Variants in BACH2 observed in about 807,000 individuals in gnomAD.
BACH2 encodes the protein BACH transcriptional regulator 2, also known as transcription regulator protein BACH2.
In BACH2, 5 loss-of-function variants were observed where a neutral mutation model predicts 61.8. The ratio of observed to expected loss-of-function variants is 0.08; its 90% confidence interval spans 0.04 to 0.17. BACH2 has a LOEUF of 0.17. BACH2 is among the 10% of genes least tolerant of loss of function. The probability of loss-of-function intolerance (pLI) is 1.00; values close to 1 mark genes in which losing one functional copy is unlikely to be tolerated. For missense variants in BACH2, 824 were observed against 1,091.1 expected, an observed-to-expected ratio of 0.76 and a Z score of 3.45; for synonymous variants, 446 against 440.1, an observed-to-expected ratio of 1.01 and a Z score of -0.17.
At chr6:90,179,982 A>G (rs926479218) in intron 4 of BACH2, among the ~76,000 whole-genome samples, 10 of 152,168 alleles carry the variant, frequency 6.6e-5, no homozygotes, top group Admixed American at 6.5e-5. Flanking sequence ...AATATTATGC[A>G]CCCATTAAAA....
At chr6:89,999,327 T>C (rs1458090585) in intron 6 of BACH2, among the ~76,000 whole-genome samples, 1 of 152,198 alleles carries the variant, frequency 6.6e-6, no homozygotes, top group Non-Finnish European at 1.5e-5. Flanking sequence ...AACCATCTAC[T>C]CAAAGAGTGA....
intron 6 of BACH2, among the ~76,000 whole-genome samples, chr6:89,967,854 G>A (rs1421471042): frequency 3.3e-5 from 5 of 152,174 alleles, no homozygotes; most frequent in African/African-American, 4.8e-5. Context: ...TCTCTGGATA[G>A]TCAATCAAAG....
chr6:90,256,028 G>C (rs1214390549), intron 2 of BACH2, among the ~76,000 whole-genome samples: 1 of 152,012 alleles, frequency 6.6e-6, no homozygotes, highest in Non-Finnish European at 1.5e-5. Context: ...ATTCAGTTTT[G>C]AACCTCCAAA....
At position 89,932,008 on chromosome 6, in the gene BACH2, A is replaced by T. The variant is rs1218658539; in HGVS notation, c.*400T>A. ...TGTACAGTCTAGCTATAAAACTTTG[A>T]TGTGTATAGAAGCTGTCTTCAATGA... is the stretch of plus-strand genomic sequence containing the variant. On this transcript the variant is annotated 3_prime_UTR_variant, in exon 9 of 9. Coordinates refer to ENST00000257749, the MANE Select transcript of BACH2 (RefSeq NM_021813.4). The T allele has an allele frequency of 6.3e-6, 1 of 159,150 alleles. No individual in the cohort carries two copies. The highest frequency in any genetic ancestry group is 2.4e-5 in the African/African-American group (1 of 41,176). 9.9% of individuals were successfully genotyped at this position (159,150 alleles called of 1,614,324 possible).
intron 1 of BACH2, among the ~76,000 whole-genome samples, chr6:90,278,504 C>T (rs923714275): frequency 1.8e-4 from 27 of 152,240 alleles, no homozygotes; most frequent in African/African-American, 6.5e-4. Flanking sequence ...CTATGTATCT[C>T]TCAAGCCATG....
chr6:90,010,582 C>A (rs1323024581), intron 5 of BACH2, among the ~76,000 whole-genome samples: 2 of 152,194 alleles, frequency 1.3e-5, no homozygotes, highest in African/African-American at 4.8e-5. Context: ...TTTGGATGGA[C>A]ATATGCTTTC....
intron 7 of BACH2, among the ~76,000 whole-genome samples, chr6:89,939,656 C>CTTTTTTTTT (rs71298713): frequency 3.6e-5 from 3 of 82,618 alleles, no homozygotes; most frequent in Non-Finnish European, 6.7e-5. Flanking sequence ...GCTTATATTT[C>CTTTTTTTTT]TTTTTTTTTT....
chr6:90,006,144 T>C (rs1027900536), intron 6 of BACH2, among the ~76,000 whole-genome samples: 6 of 152,238 alleles, frequency 3.9e-5, no homozygotes, highest in Non-Finnish European at 8.8e-5. Context: ...CTTGGTATTG[T>C]ATTTTTGGTA....
At chr6:89,940,854 T>G (rs1002855081) in intron 7 of BACH2, among the ~76,000 whole-genome samples, 8 of 14,390 alleles carry the variant, frequency 5.6e-4, no homozygotes, top group Non-Finnish European at 1.3e-3. Flanking sequence ...AGTTTACAGT[T>G]TTTTTTTTTT....
At chr6:90,058,829 A>G (rs1780519711) in intron 5 of BACH2, among the ~76,000 whole-genome samples, 1 of 152,226 alleles carries the variant, frequency 6.6e-6, no homozygotes, top group Non-Finnish European at 1.5e-5. Flanking sequence ...GCATATCTAC[A>G]ACTATCTGAT....
At chr6:89,980,329 T>C (rs1408708158) in intron 6 of BACH2, among the ~76,000 whole-genome samples, 1 of 151,550 alleles carries the variant, frequency 6.6e-6, no homozygotes, top group East Asian at 1.9e-4. Context: ...GGGACGATCC[T>C]CATTTCACAT....
chr6:89,968,833 A>T (rs1185259467), intron 6 of BACH2, among the ~76,000 whole-genome samples: 1 of 152,110 alleles, frequency 6.6e-6, no homozygotes, highest in Non-Finnish European at 1.5e-5. Context: ...CAACATGGTG[A>T]AATCCCATCT....
chr6:90,097,566 G>A (rs1782431255), intron 4 of BACH2, among the ~76,000 whole-genome samples: 1 of 152,222 alleles, frequency 6.6e-6, no homozygotes, highest in Non-Finnish European at 1.5e-5. Flanking sequence ...GTGGGAAAGG[G>A]TGTGGCATTT....
intron 5 of BACH2, among the ~76,000 whole-genome samples, chr6:90,082,585 GAA>G (rs1781770244): frequency 6.6e-6 from 1 of 152,046 alleles, no homozygotes; most frequent in Admixed American, 6.6e-5. Context: ...TTAGTTTCTT[GAA>G]AAAAGTCTGG....
At chr6:90,167,666 A>C (rs527450773) in intron 4 of BACH2, among the ~76,000 whole-genome samples, 407 of 152,320 alleles carry the variant, frequency 2.7e-3, no homozygotes, top group African/African-American at 9.4e-3. Context: ...GCCTGCTATC[A>C]GCTACCTCTG....
chr6:90,160,950 T>C (rs745677820), intron 4 of BACH2, among the ~76,000 whole-genome samples: 1 of 151,870 alleles, frequency 6.6e-6, no homozygotes, highest in Non-Finnish European at 1.5e-5. Flanking sequence ...TAGCTGGGCG[T>C]GGTGGCGTGC....
At chr6:90,236,854 T>C (rs150258966) in intron 3 of BACH2, among the ~76,000 whole-genome samples, 23 of 152,250 alleles carry the variant, frequency 1.5e-4, no homozygotes, top group African/African-American at 5.1e-4. Flanking sequence ...GAAAACTACA[T>C]GCACTTATAC....
intron 6 of BACH2, among the ~76,000 whole-genome samples, chr6:89,999,127 T>C (rs1026102857): frequency 6.6e-6 from 1 of 152,266 alleles, no homozygotes; most frequent in African/African-American, 2.4e-5. Context: ...TTTCACTGTT[T>C]AACTGCAATC....
intron 8 of BACH2, among the ~76,000 whole-genome samples, chr6:89,937,322 G>C (rs979965834): frequency 6.6e-6 from 1 of 152,096 alleles, no homozygotes; most frequent in Non-Finnish European, 1.5e-5. Context: ...AGTGGTACAA[G>C]ACACGATTTG....
Sources: gnomAD v4.1 joint callset for allele counts (sites outside exome capture counted in the v4.1 genomes callset) on GRCh38, gnomAD v4.1.1 for gene constraint, MANE v1.5 for transcripts, NCBI Gene and HGNC (gene_info 2026-07-23, HGNC 2026-07-21) for gene names.